INO80D: variants seen among roughly 807,000 people sequenced by gnomAD.
INO80D encodes INO80 complex subunit D.
Under a neutral mutation model 87.6 loss-of-function variants are expected in INO80D, and 21 were observed. The observed-to-expected ratio is 0.24, with a 90% CI of 0.17 to 0.35. The LOEUF (loss-of-function observed/expected upper bound fraction) is 0.35, where lower values mean the gene tolerates loss of function less well. Ranked by LOEUF, INO80D falls within the 10% of genes least tolerant of loss-of-function variation. The pLI is 1.00. For synonymous variants in INO80D, 440 were observed against 491.0 expected (o/e 0.90, Z 1.37); for missense variants, 982 against 1,280.7 (o/e 0.77, Z 3.56).
At chr2:206,021,199 CT>C (rs1443872115) in intron 6 of INO80D, among the ~76,000 whole-genome samples, 1 of 152,116 alleles carries the variant, frequency 6.6e-6, no homozygotes, top group Non-Finnish European at 1.5e-5. Flanking sequence ...TTGTTTGTTT[CT>C]AGTATCTTTC....
chr2:206,010,701 AG>A (rs1473770068), intron 8 of INO80D, among the ~76,000 whole-genome samples: 1 of 152,246 alleles, frequency 6.6e-6, no homozygotes, highest in African/African-American at 2.4e-5. Flanking sequence ...AATCTAAAAC[AG>A]GTTTAATCCT....
In INO80D at chr2:206,030,107, T is replaced by C. The variant is rs532160243; in HGVS notation, c.1074-1772A>G. Among the ~76,000 whole-genome samples the C allele has an allele frequency of 2.0e-5, 3 of 152,286 alleles. No homozygotes were observed. The East Asian group carries it at 5.8e-4, about 29-fold the overall frequency. ...AGCTAGCAAATGTGATAAATATCTT[T>C]CACACAAGACAGAAAACAGTAAAGT... On this transcript the variant is annotated intron_variant, in intron 5 of 10. Transcript: ENST00000403263.
intron 7 of INO80D, among the ~76,000 whole-genome samples, chr2:206,019,057 G>C (rs1244543272): frequency 2.0e-5 from 3 of 152,030 alleles, no homozygotes; most frequent in African/African-American, 7.2e-5. Context: ...TTATTACATA[G>C]AAAGTGCTGC....
intron 5 of INO80D, among the ~76,000 whole-genome samples, chr2:206,037,769 C>T (rs557173413): frequency 1.3e-5 from 2 of 152,148 alleles, no homozygotes; most frequent in South Asian, 2.1e-4. Context: ...AAAATGATAC[C>T]GGCACTCATA....
intron 8 of INO80D, among the ~76,000 whole-genome samples, chr2:206,014,157 CAA>C (rs34155962): frequency 0.37 from 47,305 of 128,678 alleles, 7,599 homozygotes; most frequent in South Asian, 0.59. Context: ...AACTCCATCT[CAA>C]AAAAAAAAAA....
At chr2:206,021,389 C>T (rs1475640560) in intron 6 of INO80D, among the ~76,000 whole-genome samples, 5 of 152,134 alleles carry the variant, frequency 3.3e-5, no homozygotes, top group Non-Finnish European at 7.3e-5. Context: ...AAGATGTCTA[C>T]AAGATTTGTC....
intron 1 of INO80D, among the ~76,000 whole-genome samples, chr2:206,072,880 T>C (rs1690012517): frequency 6.6e-6 from 1 of 151,976 alleles, no homozygotes. Flanking sequence ...TCTTGCTCTC[T>C]TGTCAAGGCT....
intron 5 of INO80D, among the ~76,000 whole-genome samples, chr2:206,044,186 C>T (rs1246871111): frequency 6.6e-6 from 1 of 151,944 alleles, no homozygotes; most frequent in East Asian, 1.9e-4. Flanking sequence ...GCAAGACTCT[C>T]GTCTCAAAGA....
At chr2:206,068,314 G>T (rs754603900) in intron 1 of INO80D, among the ~76,000 whole-genome samples, 4 of 152,024 alleles carry the variant, frequency 2.6e-5, no homozygotes, top group Non-Finnish European at 5.9e-5. Context: ...TGCCCAGGCT[G>T]GTCTCAAACT....
intron 6 of INO80D, among the ~76,000 whole-genome samples, chr2:206,025,926 C>G (rs1267430760): frequency 6.6e-6 from 1 of 151,600 alleles, no homozygotes; most frequent in African/African-American, 2.4e-5. Context: ...GGAAGGCAGT[C>G]CCACTCTGTC....
intron 8 of INO80D, among the ~76,000 whole-genome samples, chr2:206,013,060 A>T (rs1442406710): frequency 6.6e-6 from 1 of 151,912 alleles, no homozygotes; most frequent in Non-Finnish European, 1.5e-5. Context: ...CATTTTCAAA[A>T]ATTTGTATTT....
At chr2:206,012,867 CAAAAAAAA>C (rs71035432) in intron 8 of INO80D, among the ~76,000 whole-genome samples, 2 of 85,734 alleles carry the variant, frequency 2.3e-5, no homozygotes, top group African/African-American at 9.3e-5. Flanking sequence ...AGACTTGTCT[CAAAAAAAA>C]AAAAAAAAAA....
At chr2:206,017,600 C>T in intron 8 of INO80D, 80 bp downstream of exon 8, 1 of 1,181,784 alleles carries the variant, frequency 8.5e-7, no homozygotes, top group Non-Finnish European at 1.2e-6. Flanking sequence ...TATATACATA[C>T]ATAGTTTGTG....
intron 5 of INO80D, among the ~76,000 whole-genome samples, chr2:206,035,025 T>C (rs761814746): frequency 6.6e-6 from 1 of 151,930 alleles, no homozygotes; most frequent in African/African-American, 2.4e-5. Flanking sequence ...CTTAGGAATA[T>C]ACCTAACAAA....
At chr2:206,007,761 G>A (rs1688063112) in intron 9 of INO80D, 1 of 206,538 alleles carries the variant, frequency 4.8e-6, no homozygotes, top group Non-Finnish European at 9.5e-6. Flanking sequence ...GGCGGAGGTT[G>A]CAGTGAGCTG....
intron 3 of INO80D, among the ~76,000 whole-genome samples, chr2:206,059,653 G>A (rs1372232925): frequency 1.3e-5 from 2 of 152,218 alleles, no homozygotes; most frequent in South Asian, 2.1e-4. Flanking sequence ...ACTCTTTAAC[G>A]TAGGCCTCTT....
chr2:206,050,027 GGAGGC>G (rs1327823392), intron 4 of INO80D, among the ~76,000 whole-genome samples: 1 of 152,040 alleles, frequency 6.6e-6, no homozygotes, highest in Non-Finnish European at 1.5e-5. Flanking sequence ...TAGCTACTCA[GGAGGC>G]TGAGGCAAGA....
intron 5 of INO80D, among the ~76,000 whole-genome samples, chr2:206,029,015 G>C (rs927562389): frequency 6.6e-6 from 1 of 151,920 alleles, no homozygotes; most frequent in African/African-American, 2.4e-5. Context: ...AGCCTCATGA[G>C]TAGCTGGGAC....
intron 1 of INO80D, among the ~76,000 whole-genome samples, chr2:206,064,889 A>G (rs1490628868): frequency 6.6e-6 from 1 of 152,090 alleles, no homozygotes; most frequent in Non-Finnish European, 1.5e-5. Context: ...AAAAAAAATC[A>G]CATTCATTAC....
Sources: allele counts gnomAD v4.1 joint callset (sites outside exome capture counted in the v4.1 genomes callset), GRCh38; gene constraint gnomAD v4.1.1; transcripts MANE v1.5; gene names NCBI Gene and HGNC (gene_info 2026-07-23, HGNC 2026-07-21).